Variants in EEF1AKMT1 observed in about 807,000 individuals in gnomAD.
The protein encoded by EEF1AKMT1 is N-6 adenine-specific DNA methyltransferase 2 (putative).
In EEF1AKMT1, 18 loss-of-function variants were observed where a neutral mutation model predicts 21.0. The ratio of observed to expected loss-of-function variants is 0.86; its 90% confidence interval spans 0.59 to 1.27. EEF1AKMT1 has a LOEUF of 1.27. Among genes scored for constraint, EEF1AKMT1 ranks in the 50% most tolerant of loss-of-function variants. The probability of loss-of-function intolerance (pLI) is 0.00; values close to 1 mark genes in which losing one functional copy is unlikely to be tolerated. For missense variants in EEF1AKMT1, 246 were observed against 258.6 expected (o/e 0.95, Z 0.33); for synonymous variants, 109 against 94.8 (o/e 1.15, Z -0.87).
chr13:20,757,316 C>A (rs1215773038), intron 2 of EEF1AKMT1, 139 bp downstream of exon 2: 2 of 913,952 alleles, frequency 2.2e-6, no homozygotes, highest in Non-Finnish European at 3.3e-6. Flanking sequence ...TCTGTCTTAG[C>A]TCCCCATAGA....
rs368591547 is a variant in EEF1AKMT1 at position 20,757,539 on chromosome 13, G to A, written c.60C>T (p.Leu20=). ...GCTTTTGCTCAGCATAAAATTCCTG[G>A]AGAGCTGCTAAGGCATGGGCAGAAA... ...PQLSAHALAA[L]QEFYAEQKQQ... is the part of the protein sequence containing the mutation. Residue 20 remains leucine, a synonymous_variant, in exon 2 of 5, where the codon CTC becomes CTT. Coordinates refer to ENST00000382758, the MANE Select transcript of EEF1AKMT1 (RefSeq NM_001318939.2). 127 of 1,613,992 alleles carry A rather than the reference G, an allele frequency of 7.9e-5. No homozygotes were observed. The highest frequency in any genetic ancestry group is 8.1e-5 in the Non-Finnish European group (96 of 1,180,016).
intron 1 of EEF1AKMT1, among the ~76,000 whole-genome samples, chr13:20,773,299 C>T: frequency 6.6e-6 from 1 of 152,300 alleles, no homozygotes; most frequent in East Asian, 1.9e-4. Flanking sequence ...ACATGTGGCT[C>T]CCTCCCGGTA....
At chr13:20,772,783 CA>C (rs1315369337) in intron 1 of EEF1AKMT1, among the ~76,000 whole-genome samples, 1 of 152,184 alleles carries the variant, frequency 6.6e-6, no homozygotes, top group East Asian at 1.9e-4. Flanking sequence ...GCTGGCTTCT[CA>C]GGGGCTGTGG....
Position 20,773,572 on chromosome 13 carries a change from G to C in EEF1AKMT1, c.-20+349C>G, listed in dbSNP as rs535312124. Among the ~76,000 whole-genome samples, 5 of 152,334 alleles carry C rather than the reference G, an allele frequency of 3.3e-5. No individual in the cohort carries two copies. In the South Asian group the frequency reaches 1.0e-3, roughly 32 times the overall value. On this transcript the variant is annotated intron_variant, in intron 1 of 4. Coordinates refer to ENST00000382758, the MANE Select transcript of EEF1AKMT1 (RefSeq NM_001318939.2). ...AGCAGGCCGAGTCCTGTTTCTACTCGGAGGGAAGGGAGGCCTCCACGCGCT... is the reference window on the plus strand; with the variant it reads ...AGCAGGCCGAGTCCTGTTTCTACTCCGAGGGAAGGGAGGCCTCCACGCGCT...
chr13:20,771,946 G>A lies in EEF1AKMT1; in HGVS notation c.-20+1975C>T, dbSNP rs61956471. Among the ~76,000 whole-genome samples the A allele has an allele frequency of 2.0e-3, 307 of 152,058 alleles. 1 individual carries two copies. The highest frequency in any genetic ancestry group is 7.7e-3 in the South Asian group (37 of 4,808). ...GAATCGCTTGAACCCAGGAGATGGA[G>A]GTTGCAGTCAGCTGAGATCTCGCCA... On this transcript the variant is annotated intron_variant, in intron 1 of 4. Transcript: ENST00000382758.
At chr13:20,738,312 C>T (rs1339323965) in intron 2 of EEF1AKMT1, among the ~76,000 whole-genome samples, 1 of 152,212 alleles carries the variant, frequency 6.6e-6, no homozygotes, top group Non-Finnish European at 1.5e-5. Flanking sequence ...TTGTTTTTCC[C>T]TTGGGGGCAA....
At chr13:20,771,459 A>G (rs2141443831) in intron 1 of EEF1AKMT1, among the ~76,000 whole-genome samples, 1 of 152,338 alleles carries the variant, frequency 6.6e-6, no homozygotes, top group Non-Finnish European at 1.5e-5. Flanking sequence ...CCCTGTAGAA[A>G]GCACTGTTCT....
intron 1 of EEF1AKMT1, among the ~76,000 whole-genome samples, chr13:20,772,962 C>A (rs2059069747): frequency 6.6e-6 from 1 of 152,146 alleles, no homozygotes; most frequent in South Asian, 2.1e-4. Context: ...CTCCAGTAAA[C>A]CGCAGGAGAG....
chr13:20,739,078 T>C (rs1029217226), intron 2 of EEF1AKMT1, among the ~76,000 whole-genome samples: 7 of 152,312 alleles, frequency 4.6e-5, no homozygotes, highest in African/African-American at 1.4e-4. Context: ...GTGGTCTCGC[T>C]GGCTTCAGGA....
chr13:20,740,243 G>A (rs1032161357), intron 2 of EEF1AKMT1, among the ~76,000 whole-genome samples: 33 of 152,328 alleles, frequency 2.2e-4, no homozygotes, highest in African/African-American at 7.2e-4. Flanking sequence ...TGCCAAGCCC[G>A]CACCCACCTG....
chr13:20,766,298 CAAAA>C (rs35866979), intron 1 of EEF1AKMT1, among the ~76,000 whole-genome samples: 7 of 76,760 alleles, frequency 9.1e-5, no homozygotes, highest in African/African-American at 1.2e-4. Flanking sequence ...GACTCCATCT[CAAAA>C]AAAAAAAAAA....
At chr13:20,759,638 C>CA (rs1271637689) in intron 1 of EEF1AKMT1, among the ~76,000 whole-genome samples, 1 of 49,132 alleles carries the variant, frequency 2.0e-5, no homozygotes, top group African/African-American at 5.4e-5. Flanking sequence ...ATTAAATCAA[C>CA]AAGAAAAAAA....
In EEF1AKMT1 at chr13:20,729,211, T is replaced by C. The variant is rs764882411; in HGVS notation, c.514A>G (p.Ile172Val). ...AGTTCTGCTGCCTGTTCTTCCATGATGGCACCTGAAGAGAACAAAGCAAAT... is the reference window on the plus strand; with the variant it reads ...AGTTCTGCTGCCTGTTCTTCCATGACGGCACCTGAAGAGAACAAAGCAAAT... Reference protein sequence around the residue: ...RGKILLCTGAIMEEQAAELLG... With the variant: ...RGKILLCTGAVMEEQAAELLG... The change falls in exon 5 of 5, where the codon ATC becomes GTC. Residue 172 changes from isoleucine (I) to valine (V), a missense_variant. Coordinates refer to ENST00000382758, the MANE Select transcript of EEF1AKMT1 (RefSeq NM_001318939.2). The C allele has an allele frequency of 6.2e-7, 1 of 1,614,120 alleles. No individual in the cohort carries two copies. The highest frequency in any genetic ancestry group is 1.1e-5 in the South Asian group (1 of 91,076).
At chr13:20,739,117 T>C (rs1167094299) in intron 2 of EEF1AKMT1, among the ~76,000 whole-genome samples, 1 of 152,110 alleles carries the variant, frequency 6.6e-6, no homozygotes, top group African/African-American at 2.4e-5. Flanking sequence ...GCCAAGAGGA[T>C]TACAACTCCT....
At chr13:20,731,014 A>G (rs2243582) in intron 4 of EEF1AKMT1, among the ~76,000 whole-genome samples, 61,309 of 152,014 alleles carry the variant, frequency 0.4, 13,623 homozygotes, top group East Asian at 0.76. Context: ...CCAGGAAGAA[A>G]AAACAATTCC....
At chr13:20,739,323 A>G (rs1223964018) in intron 2 of EEF1AKMT1, among the ~76,000 whole-genome samples, 1 of 152,228 alleles carries the variant, frequency 6.6e-6, no homozygotes, top group Non-Finnish European at 1.5e-5. Flanking sequence ...CAAACCTTCC[A>G]CAGCATGGAA....
rs1448045317 is a variant in EEF1AKMT1 at position 20,731,834 on chromosome 13, C to T, written c.508+7G>A. On this transcript the variant is annotated splice_region_variant and intron_variant, in intron 4 of 4. Transcript: ENST00000382758. Reference sequence around the variant, plus strand: ...GACTTTGATGAGATATGAAATGCAGCACCTACCTGTGCACAGCAGAATCTT... The same window carrying T: ...GACTTTGATGAGATATGAAATGCAGTACCTACCTGTGCACAGCAGAATCTT... 2.5e-6 allele frequency: 4 copies of T among 1,608,432 alleles called. No homozygotes were observed. The highest frequency in any genetic ancestry group is 2.6e-6 in the Non-Finnish European group (3 of 1,176,126).
rs540303997 is a variant in EEF1AKMT1 at position 20,767,123 on chromosome 13, G to A, written c.-20+6798C>T. Among the ~76,000 whole-genome samples the A allele has an allele frequency of 9.8e-4, 148 of 151,718 alleles. 1 individual carries two copies. The highest frequency in any genetic ancestry group is 3.3e-3 in the African/African-American group (137 of 41,404). On this transcript the variant is annotated intron_variant, in intron 1 of 4. Coordinates refer to ENST00000382758, the MANE Select transcript of EEF1AKMT1 (RefSeq NM_001318939.2). ...AGATCGAGACCATCCTGGCTAACAC[G>A]GTGAAACCCCGTCTCCACTAAAAAT...
intron 1 of EEF1AKMT1, among the ~76,000 whole-genome samples, chr13:20,762,607 G>A (rs745841093): frequency 1.3e-5 from 2 of 151,858 alleles, no homozygotes; most frequent in Admixed American, 1.3e-4. Flanking sequence ...ACAACCTTCT[G>A]GGCTCAAGTG....
Sources: gnomAD v4.1 joint callset for allele counts (sites outside exome capture counted in the v4.1 genomes callset) on GRCh38, gnomAD v4.1.1 for gene constraint, MANE v1.5 for transcripts, NCBI Gene and HGNC (gene_info 2026-07-23, HGNC 2026-07-21) for gene names.